The following SFMBT2 variants were observed in gnomAD, a reference collection of about 807,000 sequenced individuals.
SFMBT2 encodes Scm like with four mbt domains 2, also known as scm-like with four MBT domains protein 2.
Under a neutral mutation model 110.1 loss-of-function variants are expected in SFMBT2, and 38 were observed. The observed-to-expected ratio is 0.35, with a 90% confidence interval of 0.27 to 0.45. The LOEUF is 0.45. Among genes scored for constraint, SFMBT2 ranks in the 20% least tolerant of loss-of-function variants. The pLI is 1.00. For missense variants in SFMBT2, 1,011 were observed against 1,094.9 expected (o/e 0.92, Z 1.08); for synonymous variants, 425 against 425.4 (o/e 1.00, Z 0.01).
At chr10:7,262,147 T>C (rs117829654) in intron 7 of SFMBT2, among the ~76,000 whole-genome samples, 9,598 of 152,196 alleles carry the variant, frequency 0.063, 406 homozygotes, top group Admixed American at 0.089. Context: ...ACATCAGGTT[T>C]CTCCCTGGAG....
At chr10:7,266,820 G>T (rs1841409414) in intron 7 of SFMBT2, among the ~76,000 whole-genome samples, 2 of 152,172 alleles carry the variant, frequency 1.3e-5, no homozygotes, top group Admixed American at 1.3e-4. Context: ...GAGTTTGAAG[G>T]GAGAGCCAAC....
chr10:7,384,208 T>C (rs1347757839), intron 1 of SFMBT2, among the ~76,000 whole-genome samples: 5 of 32,038 alleles, frequency 1.6e-4, no homozygotes, highest in South Asian at 1.3e-3. Context: ...CAAAACTCCA[T>C]CTCAAAAAAA....
chr10:7,259,244 C>T (rs912301221), intron 7 of SFMBT2, among the ~76,000 whole-genome samples: 2 of 152,232 alleles, frequency 1.3e-5, no homozygotes, highest in Admixed American at 6.5e-5. Context: ...CCAGTAAACA[C>T]AGAGAGCTTG....
At chr10:7,352,510 G>T (rs575692990) in intron 4 of SFMBT2, among the ~76,000 whole-genome samples, 3 of 152,134 alleles carry the variant, frequency 2.0e-5, no homozygotes, top group Admixed American at 2.0e-4. Flanking sequence ...CTTAGAAATG[G>T]TGTCTTGCTA....
intron 4 of SFMBT2, among the ~76,000 whole-genome samples, chr10:7,349,371 C>A (rs1347028161): frequency 2.0e-5 from 3 of 150,204 alleles, no homozygotes; most frequent in South Asian, 2.1e-4. Context: ...ACAGAACACC[C>A]TGTGGGCAGG....
At position 7,377,967 on chromosome 10, in the gene SFMBT2, G is replaced by GC. The variant is rs1554811941; in HGVS notation, c.100+3831_100+3832insG. Among the ~76,000 whole-genome samples, 56 of 122,458 alleles carry GC rather than the reference G, an allele frequency of 4.6e-4. 3 individuals carry two copies. Among genetic ancestry groups the GC allele is most frequent in the Admixed American group, 6.8e-4 (8 of 11,800 alleles). 80.3% of individuals were successfully genotyped at this position (122,458 alleles called of 152,430 possible). ...TACCCCCAAAATTTTGTGTGGGGGG[G>GC]GGTTGTGTGTGTGGGGGGGAGGTGG... On this transcript the variant is annotated intron_variant, in intron 2 of 20. Coordinates refer to ENST00000397167, the MANE Select transcript of SFMBT2 (RefSeq NM_001387889.1).
intron 4 of SFMBT2, chr10:7,320,449 T>G (rs1027482061): frequency 3.2e-6 from 1 of 310,588 alleles, no homozygotes; most frequent in Non-Finnish European, 4.7e-6. Context: ...TCTCTAGGAT[T>G]GGAAAAAATG....
At chr10:7,352,489 ATT>A (rs796801720) in intron 4 of SFMBT2, among the ~76,000 whole-genome samples, 6 of 150,636 alleles carry the variant, frequency 4.0e-5, no homozygotes, top group Non-Finnish European at 8.9e-5. Context: ...CACCTGGTTA[ATT>A]TTTTTTTTCT....
intron 4 of SFMBT2, among the ~76,000 whole-genome samples, chr10:7,292,047 A>G (rs1218568159): frequency 1.3e-5 from 2 of 152,136 alleles, no homozygotes; most frequent in Admixed American, 6.5e-5. Context: ...TCCCTTTTCC[A>G]TGCTGGTGGC....
chr10:7,204,009 G>A lies in SFMBT2; in HGVS notation c.1445-1487C>T, dbSNP rs183052888. On this transcript the variant is annotated intron_variant, in intron 12 of 20. Transcript: ENST00000397167. ...TGAGATTATAGACGTGAGCCACCACGCCTGGCCAGAATCTGCATCATTTTA... is the reference window on the plus strand; with the variant it reads ...TGAGATTATAGACGTGAGCCACCACACCTGGCCAGAATCTGCATCATTTTA... 9 of 241,204 alleles carry A rather than the reference G, an allele frequency of 3.7e-5. No individual in the cohort carries two copies. The East Asian group carries it at 1.2e-3, about 33-fold the overall frequency. The allele number at this position is 241,204 out of a possible 1,614,324, so 14.9% of individuals were successfully genotyped here.
In SFMBT2 at chr10:7,227,914, A is replaced by G. The variant is rs776747835; in HGVS notation, c.1144T>C (p.Trp382Arg). 6 of 1,603,410 alleles carry G rather than the reference A, an allele frequency of 3.7e-6. No homozygotes were observed. In the East Asian group the frequency reaches 1.4e-4, roughly 36 times the overall value. Residue 382 changes from tryptophan to arginine, a missense_variant, in exon 10 of 21, where the codon TGG (tryptophan) becomes CGG (arginine). Coordinates refer to ENST00000397167, the MANE Select transcript of SFMBT2 (RefSeq NM_001387889.1). ...PKGYSGQDFD[W>R]ADYHKQHGAQ... ...CCATGCTGCTTGTGATAATCTGCCC[A>G]GTCGAAGTCCTGGCCAGAGTAACCT... is the stretch of plus-strand genomic sequence containing the variant.
chr10:7,385,426 T>C (rs11596986), intron 1 of SFMBT2, among the ~76,000 whole-genome samples: 6,176 of 151,866 alleles, frequency 0.041, 185 homozygotes, highest in Non-Finnish European at 0.06. Flanking sequence ...ACCGGGAATG[T>C]GGAGGGGAGA....
intron 14 of SFMBT2, among the ~76,000 whole-genome samples, chr10:7,199,828 T>C (rs970359699): frequency 4.6e-5 from 7 of 152,226 alleles, no homozygotes; most frequent in East Asian, 1.9e-4. Flanking sequence ...GCTTAGAGAA[T>C]AGACTTTTTA....
intron 7 of SFMBT2, among the ~76,000 whole-genome samples, chr10:7,257,098 A>AAGGGAAGGGGAGGGG (rs1554794264): frequency 2.7e-5 from 2 of 74,776 alleles, no homozygotes; most frequent in Non-Finnish European, 5.1e-5. Context: ...TTGGAAAGGG[A>AAGGGAAGGGGAGGGG]AGGGGAGGGG....
rs140411899 is a variant in SFMBT2 at position 7,305,917 on chromosome 10, G to A, written c.437-19963C>T. Among the ~76,000 whole-genome samples the A allele has an allele frequency of 2.2e-4, 34 of 152,356 alleles. No individual in the cohort carries two copies. In the East Asian group the frequency reaches 6.2e-3, roughly 28 times the overall value. ...TAAAACAAAACCATCTCTATGGGTT[G>A]CCCCAATTACTGGAACACGATTCAA... On this transcript the variant is annotated intron_variant, in intron 4 of 20. Coordinates refer to ENST00000397167, the MANE Select transcript of SFMBT2 (RefSeq NM_001387889.1).
At chr10:7,400,254 TC>T (rs1846037920) in intron 1 of SFMBT2, among the ~76,000 whole-genome samples, 1 of 152,126 alleles carries the variant, frequency 6.6e-6, no homozygotes, top group Non-Finnish European at 1.5e-5. Flanking sequence ...AAGAGGATGT[TC>T]TGCACTTTCC....
At chr10:7,409,733 A>T (rs1325557869) in intron 1 of SFMBT2, among the ~76,000 whole-genome samples, 1 of 152,042 alleles carries the variant, frequency 6.6e-6, no homozygotes, top group Non-Finnish European at 1.5e-5. Flanking sequence ...AGTCGAAACT[A>T]AGGGGTGGAA....
At chr10:7,407,295 C>T (rs1846247134) in intron 1 of SFMBT2, among the ~76,000 whole-genome samples, 1 of 141,542 alleles carries the variant, frequency 7.1e-6, no homozygotes, top group Non-Finnish European at 1.5e-5. Flanking sequence ...AGCCTGTTTT[C>T]TCCTTTTCTC....
At chr10:7,295,727 G>A (rs17425718) in intron 4 of SFMBT2, among the ~76,000 whole-genome samples, 11,042 of 152,226 alleles carry the variant, frequency 0.073, 535 homozygotes, top group Non-Finnish European at 0.11. Flanking sequence ...AGAAAGCCAG[G>A]TATCAGTCCA....
Sources: gnomAD v4.1 joint callset for allele counts (sites outside exome capture counted in the v4.1 genomes callset) on GRCh38, gnomAD v4.1.1 for gene constraint, MANE v1.5 for transcripts, NCBI Gene and HGNC (gene_info 2026-07-23, HGNC 2026-07-21) for gene names.